RABGAP1L: variants seen among roughly 807,000 people sequenced by gnomAD.
RABGAP1L encodes RAB GTPase activating protein 1 like.
Under a neutral mutation model 137.7 loss-of-function variants are expected in RABGAP1L, and 63 were observed. The ratio of observed to expected loss-of-function variants is 0.46; its 90% CI spans 0.37 to 0.56. The LOEUF (loss-of-function observed/expected upper bound fraction) is 0.56. Among genes scored for constraint, RABGAP1L ranks in the 20% least tolerant of loss-of-function variants. The pLI, the probability that RABGAP1L is intolerant of heterozygous loss-of-function variation, is 0.00. For synonymous variants in RABGAP1L, 431 were observed against 433.7 expected (o/e 0.99, Z 0.08); for missense variants, 1,095 against 1,244.0 (o/e 0.88, Z 1.80).
intron 13 of RABGAP1L, among the ~76,000 whole-genome samples, chr1:174,544,680 T>C (rs1665838742): frequency 6.6e-6 from 1 of 152,218 alleles, no homozygotes; most frequent in South Asian, 2.1e-4. Flanking sequence ...GAAGAGGCCC[T>C]CTGATTTTTA....
At chr1:174,661,801 A>G (rs764726784) in intron 14 of RABGAP1L, among the ~76,000 whole-genome samples, 1 of 152,158 alleles carries the variant, frequency 6.6e-6, no homozygotes, top group African/African-American at 2.4e-5. Context: ...AAAAACTCCT[A>G]TCACCCAGTG....
At chr1:174,816,147 CTTT>C (rs67065448) in intron 19 of RABGAP1L, among the ~76,000 whole-genome samples, 1 of 86,178 alleles carries the variant, frequency 1.2e-5, no homozygotes, top group African/African-American at 4.3e-5. Context: ...TAATACATAG[CTTT>C]TTTTTTTTTT....
intron 4 of RABGAP1L, among the ~76,000 whole-genome samples, chr1:174,233,514 T>A (rs1343805093): frequency 7.1e-6 from 1 of 141,304 alleles, no homozygotes; most frequent in African/African-American, 3.0e-5. Flanking sequence ...GAATATGCGG[T>A]GTTTGGTTTT....
intron 11 of RABGAP1L, among the ~76,000 whole-genome samples, chr1:174,344,500 A>G (rs1419569470): frequency 7.2e-5 from 11 of 152,212 alleles, no homozygotes; most frequent in African/African-American, 2.7e-4. Context: ...GATTCAGACT[A>G]AAAAAATGAT....
At chr1:174,232,676 G>A (rs1489490335) in intron 4 of RABGAP1L, among the ~76,000 whole-genome samples, 2 of 151,504 alleles carry the variant, frequency 1.3e-5, no homozygotes, top group Non-Finnish European at 1.5e-5. Flanking sequence ...CCAGCTACTC[G>A]GGAGGTTGAG....
At chr1:174,335,317 A>T (rs1293172569) in intron 11 of RABGAP1L, among the ~76,000 whole-genome samples, 3 of 152,234 alleles carry the variant, frequency 2.0e-5, no homozygotes, top group Admixed American at 6.5e-5. Context: ...TCAAAGCAAA[A>T]GTGGAAGTTC....
At chr1:174,712,344 G>A (rs1048384056) in intron 17 of RABGAP1L, among the ~76,000 whole-genome samples, 5 of 152,192 alleles carry the variant, frequency 3.3e-5, no homozygotes, top group South Asian at 2.1e-4. Context: ...GACTCACTGC[G>A]AAGGTCTGCA....
At chr1:174,263,857 ACTTT>A (rs765052872) in intron 7 of RABGAP1L, among the ~76,000 whole-genome samples, 14 of 151,588 alleles carry the variant, frequency 9.2e-5, no homozygotes, top group Non-Finnish European at 1.3e-4. Context: ...CTTCTGTATG[ACTTT>A]CTTTCTTTTT....
At chr1:174,204,800 G>A (rs192231624) in intron 1 of RABGAP1L, among the ~76,000 whole-genome samples, 26 of 152,230 alleles carry the variant, frequency 1.7e-4, no homozygotes, top group Non-Finnish European at 3.4e-4. Flanking sequence ...TTGTTCTCAC[G>A]AGATGTGGAG....
chr1:174,519,944 C>A (rs548413135), intron 13 of RABGAP1L, among the ~76,000 whole-genome samples: 73 of 152,268 alleles, frequency 4.8e-4, no homozygotes, highest in African/African-American at 1.7e-3. Context: ...ATAGTAGTAC[C>A]ATTTCTGTTC....
At chr1:174,315,402 T>C (rs917169220) in intron 11 of RABGAP1L, among the ~76,000 whole-genome samples, 4 of 152,186 alleles carry the variant, frequency 2.6e-5, no homozygotes, top group Non-Finnish European at 1.5e-5. Flanking sequence ...GTGAAGTTTG[T>C]TTCTTGTAGG....
intron 18 of RABGAP1L, among the ~76,000 whole-genome samples, chr1:174,767,527 CT>C (rs34412988): frequency 0.59 from 81,827 of 137,568 alleles, 26,106 homozygotes; most frequent in East Asian, 0.91. Context: ...ACTGACTTTC[CT>C]TTTTTTTTTT....
At chr1:174,367,509 G>C (rs1184961722) in intron 11 of RABGAP1L, 1 of 192,724 alleles carries the variant, frequency 5.2e-6, no homozygotes, top group Non-Finnish European at 1.1e-5. Context: ...GTGTCTTTCT[G>C]ATGGCTTAAT....
At chr1:174,314,016 C>T (rs1679124186) in intron 11 of RABGAP1L, among the ~76,000 whole-genome samples, 2 of 152,008 alleles carry the variant, frequency 1.3e-5, no homozygotes, top group South Asian at 4.1e-4. Context: ...TAATACTGGC[C>T]TTGTAGAATG....
chr1:174,813,350 A>T (rs1228424082), intron 19 of RABGAP1L, among the ~76,000 whole-genome samples: 3 of 152,196 alleles, frequency 2.0e-5, no homozygotes, highest in Non-Finnish European at 2.9e-5. Flanking sequence ...TGAGGAGAAA[A>T]GAAGAGTTAA....
intron 17 of RABGAP1L, among the ~76,000 whole-genome samples, chr1:174,734,963 T>TC (rs1321587076): frequency 4.7e-5 from 7 of 147,654 alleles, no homozygotes; most frequent in Admixed American, 3.4e-4. Context: ...TCTTTTTTTT[T>TC]TTTTTTTTTT....
chr1:174,562,071 C>T (rs1263768200), intron 13 of RABGAP1L, among the ~76,000 whole-genome samples: 1 of 152,182 alleles, frequency 6.6e-6, no homozygotes, highest in Non-Finnish European at 1.5e-5. Flanking sequence ...AACAGGAAAT[C>T]TACAGAATTG....
At chr1:174,263,429 T>G (rs951287516) in intron 7 of RABGAP1L, among the ~76,000 whole-genome samples, 1 of 152,208 alleles carries the variant, frequency 6.6e-6, no homozygotes, top group Non-Finnish European at 1.5e-5. Flanking sequence ...TATAGTAAAT[T>G]TTCCCTGTTT....
At chr1:174,774,218 C>T (rs1468699078) in intron 18 of RABGAP1L, among the ~76,000 whole-genome samples, 1 of 152,130 alleles carries the variant, frequency 6.6e-6, no homozygotes, top group Non-Finnish European at 1.5e-5. Context: ...TTTTCCTTGA[C>T]TAAGAGAATT....
Sources: gnomAD v4.1 joint callset for allele counts (sites outside exome capture counted in the v4.1 genomes callset) on GRCh38, gnomAD v4.1.1 for gene constraint, MANE v1.5 for transcripts, NCBI Gene and HGNC (gene_info 2026-07-23, HGNC 2026-07-21) for gene names.